The following CELF4 variants were observed in gnomAD, a reference collection of about 807,000 sequenced individuals.
CELF4 encodes the protein CUG-BP- and ETR-3-like factor 4.
Under a neutral mutation model 59.9 loss-of-function variants are expected in CELF4, and 18 were observed. The ratio of observed to expected loss-of-function variants is 0.30; its 90% CI spans 0.21 to 0.45. The LOEUF (loss-of-function observed/expected upper bound fraction) is 0.45, where lower values mean the gene tolerates loss of function less well. CELF4 is among the 20% of genes least tolerant of loss of function. The probability of loss-of-function intolerance (pLI) is 1.00; values close to 1 mark genes in which losing one functional copy is unlikely to be tolerated. For synonymous variants in CELF4, 261 were observed against 267.1 expected, an observed-to-expected ratio of 0.98 and a Z score of 0.22; for missense variants, 456 against 689.0, an observed-to-expected ratio of 0.66 and a Z score of 3.79.
chr18:37,423,070 A>ACACACACG (rs2099589341), intron 2 of CELF4, among the ~76,000 whole-genome samples: 1 of 142,102 alleles, frequency 7.0e-6, no homozygotes, highest in African/African-American at 2.6e-5. Flanking sequence ...GCGCGCACAC[A>ACACACACG]CACACACACA....
At chr18:37,516,427 C>A (rs1381724889) in intron 1 of CELF4, among the ~76,000 whole-genome samples, 1 of 152,214 alleles carries the variant, frequency 6.6e-6, no homozygotes, top group Non-Finnish European at 1.5e-5. Context: ...CCAACACTAG[C>A]CTGGCTCCTG....
intron 2 of CELF4, among the ~76,000 whole-genome samples, chr18:37,347,969 G>C (rs1391171998): frequency 6.6e-6 from 1 of 152,116 alleles, no homozygotes; most frequent in Non-Finnish European, 1.5e-5. Context: ...GGCCAACCAG[G>C]TGGCTCAATT....
In CELF4 at chr18:37,279,415, GCTCAGCC is replaced by G. The variant is rs1602211213; in HGVS notation, c.449-4179_449-4173del. 5.9e-5 allele frequency among the ~76,000 whole-genome samples: 9 copies of G among 152,288 alleles called. No individual in the cohort carries two copies. In the South Asian group the frequency reaches 1.7e-3, roughly 28 times the overall value. On this transcript the variant is annotated intron_variant, in intron 3 of 12. Transcript: ENST00000420428. ...TGACAGAGCCCAGCTCAGGTCAGGG[GCTCAGCC>G]CTGGGAGTTGGAAAGTGAGCACAAC...
chr18:37,428,055 T>C (rs1182130706), intron 2 of CELF4, among the ~76,000 whole-genome samples: 1 of 152,252 alleles, frequency 6.6e-6, no homozygotes, highest in Non-Finnish European at 1.5e-5. Flanking sequence ...AGTATGTCTG[T>C]CCATGTTCTG....
intron 2 of CELF4, among the ~76,000 whole-genome samples, chr18:37,378,008 C>T (rs567878538): frequency 2.0e-5 from 3 of 152,110 alleles, no homozygotes; most frequent in South Asian, 4.1e-4. Flanking sequence ...CTCCTCCCTG[C>T]GCCCCTACGT....
intron 2 of CELF4, among the ~76,000 whole-genome samples, chr18:37,365,481 A>ATTTTTT (rs10670336): frequency 9.3e-4 from 91 of 97,752 alleles, no homozygotes; most frequent in Non-Finnish European, 1.2e-3. Flanking sequence ...GGATGGGGCA[A>ATTTTTT]TTTTTTTTTT....
At chr18:37,412,901 T>C (rs1157300369) in intron 2 of CELF4, among the ~76,000 whole-genome samples, 5 of 151,694 alleles carry the variant, frequency 3.3e-5, no homozygotes, top group Non-Finnish European at 5.9e-5. Context: ...GGTGTGAGGT[T>C]GGTTGGTGAA....
At chr18:37,372,335 C>T (rs2098904536) in intron 2 of CELF4, among the ~76,000 whole-genome samples, 1 of 152,146 alleles carries the variant, frequency 6.6e-6, no homozygotes, top group Non-Finnish European at 1.5e-5. Flanking sequence ...TTTGTAGGGA[C>T]ATGGATGAAG....
At chr18:37,272,385 C>CG (rs1157400140) in intron 7 of CELF4, among the ~76,000 whole-genome samples, 1 of 152,004 alleles carries the variant, frequency 6.6e-6, no homozygotes. Flanking sequence ...CCTGGGGATT[C>CG]GGGGGCATAA....
In CELF4 at chr18:37,508,005, C is replaced by T. The variant is rs559584044; in HGVS notation, c.287-22398G>A. Among the ~76,000 whole-genome samples, 3 of 152,312 alleles carry T rather than the reference C, an allele frequency of 2.0e-5. No homozygotes were observed. The South Asian group carries it at 6.2e-4, about 32-fold the overall frequency. ...ATTCCTCCTCTCCACCAGCCCCTGCCCCAGCCCAGGTCCAGACCTCGCCAT... is the reference window on the plus strand; with the variant it reads ...ATTCCTCCTCTCCACCAGCCCCTGCTCCAGCCCAGGTCCAGACCTCGCCAT... On this transcript the variant is annotated intron_variant, in intron 1 of 12. Transcript: ENST00000420428.
intron 2 of CELF4, among the ~76,000 whole-genome samples, chr18:37,391,994 A>AGAACCAGAGGGGT (rs2154577824): frequency 6.6e-6 from 1 of 152,336 alleles, no homozygotes; most frequent in East Asian, 1.9e-4. Flanking sequence ...TGCAAGGCTG[A>AGAACCAGAGGGGT]GAACCAGAGG....
intron 2 of CELF4, among the ~76,000 whole-genome samples, chr18:37,475,801 T>A (rs1443433837): frequency 6.6e-6 from 1 of 152,174 alleles, no homozygotes. Context: ...CACTCCCAAT[T>A]CCAGGAGGAA....
chr18:37,460,908 A>G (rs1487077032), intron 2 of CELF4, among the ~76,000 whole-genome samples: 1 of 152,222 alleles, frequency 6.6e-6, no homozygotes, highest in East Asian at 1.9e-4. Context: ...GCTATGGGAA[A>G]GGAAAAAACC....
At chr18:37,487,237 A>G (rs754956801) in intron 1 of CELF4, among the ~76,000 whole-genome samples, 30 of 152,070 alleles carry the variant, frequency 2.0e-4, no homozygotes, top group Admixed American at 1.1e-3. Context: ...TCCCCTTCCA[A>G]TGTAGAAATT....
At chr18:37,523,920 A>C (rs1227590525) in intron 1 of CELF4, among the ~76,000 whole-genome samples, 1 of 152,198 alleles carries the variant, frequency 6.6e-6, no homozygotes, top group Non-Finnish European at 1.5e-5. Context: ...CTGAGCCCCC[A>C]AAACGCCTGC....
intron 2 of CELF4, among the ~76,000 whole-genome samples, chr18:37,455,665 G>T (rs1402657947): frequency 2.0e-5 from 3 of 152,232 alleles, no homozygotes; most frequent in Non-Finnish European, 2.9e-5. Flanking sequence ...GAGGTGGATG[G>T]CAGATCCCTG....
intron 1 of CELF4, among the ~76,000 whole-genome samples, chr18:37,556,216 G>A (rs80255362): frequency 1.8e-4 from 27 of 152,322 alleles, no homozygotes; most frequent in African/African-American, 6.3e-4. Context: ...CTCACTGGGA[G>A]CAGTCTGGCC....
chr18:37,427,036 A>AT (rs1301194063), intron 2 of CELF4, among the ~76,000 whole-genome samples: 239 of 40,550 alleles, frequency 5.9e-3, no homozygotes, highest in Non-Finnish European at 0.011. Context: ...CAGCAGGGAC[A>AT]CGGGGGGGGG....
At chr18:37,356,195 G>A (rs1259958253) in intron 2 of CELF4, among the ~76,000 whole-genome samples, 1 of 152,182 alleles carries the variant, frequency 6.6e-6, no homozygotes, top group African/African-American at 2.4e-5. Context: ...GGCCATCAAA[G>A]CCACTTAGTT....
Sources: allele counts gnomAD v4.1 joint callset (sites outside exome capture counted in the v4.1 genomes callset), GRCh38; gene constraint gnomAD v4.1.1; transcripts MANE v1.5; gene names NCBI Gene and HGNC (gene_info 2026-07-23, HGNC 2026-07-21).